The following DLGAP2 variants were observed in gnomAD, a reference collection of about 807,000 sequenced individuals.
DLGAP2 encodes the protein DLG associated protein 2, also known as disks large-associated protein 2.
A neutral mutation model predicts 100.3 loss-of-function variants in DLGAP2; 26 were observed. The observed-to-expected ratio is 0.26, with a 90% CI of 0.19 to 0.36. The LOEUF (loss-of-function observed/expected upper bound fraction) is 0.36, where lower values mean the gene tolerates loss of function less well. DLGAP2 is among the 10% of genes least tolerant of loss of function. The pLI, the probability that DLGAP2 is intolerant of heterozygous loss-of-function variation, is 1.00. For missense variants in DLGAP2, 1,858 were observed against 1,453.2 expected, an observed-to-expected ratio of 1.28 and a Z score of -4.53; for synonymous variants, 886 against 630.1, an observed-to-expected ratio of 1.41 and a Z score of -6.08.
chr8:930,470 G>A (rs1798930086), intron 2 of DLGAP2, among the ~76,000 whole-genome samples: 1 of 152,224 alleles, frequency 6.6e-6, no homozygotes, highest in African/African-American at 2.4e-5. Flanking sequence ...AGAAGCCAGG[G>A]GGTGAGAGGG....
intron 1 of DLGAP2, among the ~76,000 whole-genome samples, chr8:803,354 C>A (rs1157680258): frequency 6.6e-6 from 1 of 152,066 alleles, no homozygotes; most frequent in Non-Finnish European, 1.5e-5. Flanking sequence ...GTGGTTTATT[C>A]CTTGCTATAT....
chr8:824,622 A>G (rs1238183030), intron 1 of DLGAP2, among the ~76,000 whole-genome samples: 1 of 151,966 alleles, frequency 6.6e-6, no homozygotes, highest in Non-Finnish European at 1.5e-5. Flanking sequence ...CCTCTGGTGA[A>G]GATGACTGCT....
intron 1 of DLGAP2, among the ~76,000 whole-genome samples, chr8:837,247 C>G (rs150944244): frequency 1.1e-4 from 16 of 152,162 alleles, no homozygotes; most frequent in Non-Finnish European, 2.9e-5. Flanking sequence ...GCCTGGTGTT[C>G]GAGGCAGCCT....
At chr8:1,631,327 C>A (rs1331651294) in intron 7 of DLGAP2, among the ~76,000 whole-genome samples, 2 of 152,112 alleles carry the variant, frequency 1.3e-5, no homozygotes, top group African/African-American at 4.8e-5. Flanking sequence ...GAAGGGTGTC[C>A]ACTGAGGTGT....
Position 800,959 on chromosome 8 carries a change from C to T in DLGAP2, c.18+63134C>T, listed in dbSNP as rs894640754. ...GGCTTGCTTGTTGTGCCCCCCCACC[C>T]TTCCTGGGTCCCCATCCACCTGCCA... On this transcript the variant is annotated intron_variant, in intron 1 of 14. Coordinates refer to ENST00000637795, the MANE Select transcript of DLGAP2 (RefSeq NM_001346810.2). 8.5e-4 allele frequency among the ~76,000 whole-genome samples: 129 copies of T among 152,110 alleles called. 1 individual carries two copies. Among genetic ancestry groups the T allele is most frequent in the African/African-American group, 2.9e-3 (122 of 41,398 alleles).
chr8:1,483,251 G>A (rs961536078), intron 3 of DLGAP2, among the ~76,000 whole-genome samples: 1 of 152,196 alleles, frequency 6.6e-6, no homozygotes, highest in Non-Finnish European at 1.5e-5. Flanking sequence ...TCATGAGGAA[G>A]TGACCCAGCC....
At chr8:894,158 C>T (rs932291500) in intron 1 of DLGAP2, among the ~76,000 whole-genome samples, 1 of 152,318 alleles carries the variant, frequency 6.6e-6, no homozygotes, top group Non-Finnish European at 1.5e-5. Context: ...GTTGGAGGCT[C>T]AGTCAGCTGA....
At chr8:931,519 G>A (rs187983924) in intron 2 of DLGAP2, among the ~76,000 whole-genome samples, 4 of 152,330 alleles carry the variant, frequency 2.6e-5, no homozygotes, top group East Asian at 1.9e-4. Context: ...TATCTCGGCC[G>A]TTATTTTTAG....
chr8:747,000 T>C (rs373129110), intron 1 of DLGAP2, among the ~76,000 whole-genome samples: 9 of 152,102 alleles, frequency 5.9e-5, no homozygotes, highest in African/African-American at 1.7e-4. Flanking sequence ...CATCTCACCA[T>C]GTCCGAGCCA....
chr8:757,743 A>T (rs1016529927), intron 1 of DLGAP2, among the ~76,000 whole-genome samples: 2 of 152,202 alleles, frequency 1.3e-5, no homozygotes, highest in African/African-American at 4.8e-5. Flanking sequence ...TGTTTTTAGC[A>T]GAATCTAGAG....
At chr8:766,198 C>G (rs368653165) in intron 1 of DLGAP2, among the ~76,000 whole-genome samples, 16 of 152,140 alleles carry the variant, frequency 1.1e-4, no homozygotes, top group African/African-American at 3.9e-4. Context: ...CAAAACCAAT[C>G]CACACAACTC....
In DLGAP2 at chr8:1,308,135, C is replaced by T. The variant is rs561376299; in HGVS notation, c.106+49252C>T. ...CCTGCAGCTTTCACCTCAAGTGGTC[C>T]CTGGGCTCGTTGCAAGCCAGGGTAC... is the stretch of plus-strand genomic sequence containing the variant. On this transcript the variant is annotated intron_variant, in intron 3 of 14. Transcript: ENST00000637795. 2.0e-5 allele frequency among the ~76,000 whole-genome samples: 3 copies of T among 152,300 alleles called. No homozygotes were observed. The South Asian group carries it at 6.2e-4, about 32-fold the overall frequency.
chr8:853,743 A>G (rs1797224466), intron 1 of DLGAP2, among the ~76,000 whole-genome samples: 1 of 152,234 alleles, frequency 6.6e-6, no homozygotes, highest in African/African-American at 2.4e-5. Flanking sequence ...TAATTTAATA[A>G]GAATTCAGTA....
intron 3 of DLGAP2, among the ~76,000 whole-genome samples, chr8:1,371,935 C>T (rs566963458): frequency 1.4e-4 from 22 of 152,332 alleles, no homozygotes; most frequent in African/African-American, 5.1e-4. Flanking sequence ...CCACTTTTCT[C>T]TGAAAAGAGA....
chr8:1,509,166 A>G (rs979874726), intron 4 of DLGAP2, among the ~76,000 whole-genome samples: 5 of 152,012 alleles, frequency 3.3e-5, no homozygotes, highest in Non-Finnish European at 7.4e-5. Flanking sequence ...CCCCGTCTCT[A>G]CTAAAATACA....
intron 4 of DLGAP2, among the ~76,000 whole-genome samples, chr8:1,523,539 G>A (rs912293827): frequency 6.6e-5 from 10 of 152,224 alleles, no homozygotes; most frequent in African/African-American, 2.2e-4. Flanking sequence ...CCTGCCCCAG[G>A]CCGGCACCGC....
chr8:1,349,220 G>A (rs741808), intron 3 of DLGAP2, among the ~76,000 whole-genome samples: 55,329 of 149,736 alleles, frequency 0.37, 10,689 homozygotes, highest in East Asian at 0.49. Context: ...TTAAAATGTG[G>A]TATTAATGTA....
At chr8:1,512,506 C>A (rs78075402) in intron 4 of DLGAP2, among the ~76,000 whole-genome samples, 1,976 of 152,230 alleles carry the variant, frequency 0.013, 54 homozygotes, top group African/African-American at 0.045. Context: ...GGGAAAATCA[C>A]AGCCCAGAAG....
At chr8:1,417,163 G>T (rs1279987392) in intron 3 of DLGAP2, among the ~76,000 whole-genome samples, 3 of 100,662 alleles carry the variant, frequency 3.0e-5, no homozygotes, top group African/African-American at 9.7e-5. Flanking sequence ...TGAGTGAAGG[G>T]GAAGCCCCCG....
Sources: gnomAD v4.1 joint callset for allele counts (sites outside exome capture counted in the v4.1 genomes callset) on GRCh38, gnomAD v4.1.1 for gene constraint, MANE v1.5 for transcripts, NCBI Gene and HGNC (gene_info 2026-07-23, HGNC 2026-07-21) for gene names.